The following CTNND2 variants were observed in gnomAD, a reference collection of about 807,000 sequenced individuals.
CTNND2 encodes the protein catenin delta-2.
CTNND2 carries 22 observed loss-of-function variants against 144.4 expected under a neutral mutation model. The ratio of observed to expected loss-of-function variants is 0.15; its 90% confidence interval spans 0.11 to 0.22. The LOEUF (loss-of-function observed/expected upper bound fraction) is 0.22. CTNND2 is among the 10% of genes least tolerant of loss of function. The pLI is 1.00. For synonymous variants in CTNND2, 751 were observed against 695.6 expected (o/e 1.08, Z -1.25); for missense variants, 1,353 against 1,618.8 (o/e 0.84, Z 2.82).
intron 14 of CTNND2, among the ~76,000 whole-genome samples, chr5:11,104,325 T>C (rs995179047): frequency 2.0e-5 from 3 of 152,160 alleles, no homozygotes; most frequent in African/African-American, 7.2e-5. Context: ...AAGTCACACA[T>C]TGCAAAATGT....
intron 1 of CTNND2, among the ~76,000 whole-genome samples, chr5:11,820,532 T>C (rs1277084362): frequency 6.6e-6 from 1 of 152,244 alleles, no homozygotes; most frequent in East Asian, 1.9e-4. Context: ...AAAATGACTA[T>C]AGTCCCAGCT....
intron 7 of CTNND2, among the ~76,000 whole-genome samples, chr5:11,378,692 C>T (rs1025303128): frequency 6.6e-6 from 1 of 152,158 alleles, no homozygotes; most frequent in Non-Finnish European, 1.5e-5. Flanking sequence ...GAGCTGTGGC[C>T]TAAACAAACT....
rs143782081 is a variant in CTNND2 at position 11,563,809 on chromosome 5, A to G, written c.287+1135T>C. Among the ~76,000 whole-genome samples the G allele has an allele frequency of 2.9e-3, 448 of 152,084 alleles. 2 individuals carry two copies. The highest frequency in any genetic ancestry group is 0.01 in the African/African-American group (432 of 41,534). On this transcript the variant is annotated intron_variant, in intron 3 of 21. Coordinates refer to ENST00000304623, the MANE Select transcript of CTNND2 (RefSeq NM_001332.4). The stretch of plus-strand genomic sequence containing the variant: ...ATGTGACTCCAATACGAAATGCTGC[A>G]ATTACAAAGTTATACTCTTACAAAT...
At position 11,017,583 on chromosome 5, in the gene CTNND2, CATATATATATATATCTTTCCATAT is replaced by C. The variant is rs1312907039; in HGVS notation, c.3084+367_3084+390del. The stretch of plus-strand genomic sequence containing the variant: ...ATATACATATATATATATATCTTTC[CATATATATATATATCTTTCCATAT>C]ATATATATATATATTTCCAAAATTA... On this transcript the variant is annotated intron_variant, in intron 18 of 21. Coordinates refer to ENST00000304623, the MANE Select transcript of CTNND2 (RefSeq NM_001332.4). Among the ~76,000 whole-genome samples, 135 of 135,676 alleles carry C rather than the reference CATATATATATATATCTTTCCATAT, an allele frequency of 1.0e-3. 1 individual carries two copies. The highest frequency in any genetic ancestry group is 3.4e-3 in the African/African-American group (129 of 38,172). The allele number at this position is 135,676 out of a possible 152,430, so 89.0% of individuals were successfully genotyped here.
At chr5:11,614,757 G>A (rs1780500721) in intron 2 of CTNND2, among the ~76,000 whole-genome samples, 1 of 152,202 alleles carries the variant, frequency 6.6e-6, no homozygotes, top group South Asian at 2.1e-4. Context: ...TCATCACTGA[G>A]TGGGGTGGCA....
chr5:11,621,718 A>G (rs551542643), intron 2 of CTNND2, among the ~76,000 whole-genome samples: 34 of 152,318 alleles, frequency 2.2e-4, no homozygotes, highest in Admixed American at 2.2e-3. Context: ...TCTGGGTAGG[A>G]AGCAGCTTTA....
chr5:11,113,315 G>A (rs913805956), intron 13 of CTNND2, among the ~76,000 whole-genome samples: 1 of 152,116 alleles, frequency 6.6e-6, no homozygotes, highest in Non-Finnish European at 1.5e-5. Context: ...GCAAACTGCC[G>A]CCCAGGGGTC....
At chr5:11,525,460 T>C (rs1407630991) in intron 3 of CTNND2, among the ~76,000 whole-genome samples, 3 of 152,158 alleles carry the variant, frequency 2.0e-5, no homozygotes, top group African/African-American at 7.2e-5. Context: ...AGGTTAAATT[T>C]AAACATTTTG....
intron 2 of CTNND2, among the ~76,000 whole-genome samples, chr5:11,649,740 C>A (rs1027854690): frequency 2.0e-5 from 3 of 152,144 alleles, no homozygotes; most frequent in Non-Finnish European, 2.9e-5. Context: ...TTTATCCAAT[C>A]ATTTATGCTC....
chr5:11,348,498 T>C (rs145986861), intron 8 of CTNND2, among the ~76,000 whole-genome samples: 1 of 150,824 alleles, frequency 6.6e-6, no homozygotes, highest in Non-Finnish European at 1.5e-5. Flanking sequence ...TTCATAGATG[T>C]GCATTTTTTT....
intron 15 of CTNND2, among the ~76,000 whole-genome samples, chr5:11,087,439 C>T (rs1365902850): frequency 6.6e-6 from 1 of 152,148 alleles, no homozygotes; most frequent in Non-Finnish European, 1.5e-5. Context: ...ACCAGATTCT[C>T]CCAGCTGGAA....
chr5:11,794,360 C>T (rs536941271), intron 1 of CTNND2, among the ~76,000 whole-genome samples: 4 of 152,262 alleles, frequency 2.6e-5, no homozygotes, highest in East Asian at 1.9e-4. Flanking sequence ...GGTGTATCAA[C>T]GTGAAACACA....
In CTNND2 at chr5:11,904,084, C is replaced by G. The variant is rs1317204817; in HGVS notation, c.-231G>C. Reference sequence around the variant, plus strand: ...GGCCCGGCGGCCCCTCCGAGCTCGGCGAGCGCAGCGCCCCCTGCCCGGCTC... The same window carrying G: ...GGCCCGGCGGCCCCTCCGAGCTCGGGGAGCGCAGCGCCCCCTGCCCGGCTC... On this transcript the variant is annotated 5_prime_UTR_variant, in exon 1 of 22. Transcript: ENST00000304623. This position sits in a 1 kb window ranked among gnomAD's most constrained non-coding sequence, Gnocchi z 4.2. 2 of 202,936 alleles carry G rather than the reference C, an allele frequency of 9.9e-6. No homozygotes were observed. The highest frequency in any genetic ancestry group is 1.8e-5 in the Non-Finnish European group (2 of 108,604). The allele number at this position is 202,936 out of a possible 1,614,324, so 12.6% of individuals were successfully genotyped here.
intron 2 of CTNND2, among the ~76,000 whole-genome samples, chr5:11,588,373 T>C (rs1306412587): frequency 6.6e-6 from 1 of 152,110 alleles, no homozygotes; most frequent in African/African-American, 2.4e-5. Flanking sequence ...CTCACAGAAT[T>C]GTATGTGATT....
chr5:11,155,906 T>C (rs1365198080), intron 12 of CTNND2, among the ~76,000 whole-genome samples: 2 of 152,240 alleles, frequency 1.3e-5, no homozygotes, highest in African/African-American at 2.4e-5. Flanking sequence ...CAACATGATA[T>C]AGCTTCCCAT....
intron 9 of CTNND2, among the ~76,000 whole-genome samples, chr5:11,293,195 T>C (rs183044534): frequency 8.5e-5 from 13 of 152,244 alleles, no homozygotes; most frequent in Admixed American, 3.3e-4. Context: ...AACCAAAACA[T>C]CTGTGATTAG....
chr5:11,497,996 G>T (rs1419635973), intron 3 of CTNND2, among the ~76,000 whole-genome samples: 2 of 152,010 alleles, frequency 1.3e-5, no homozygotes, highest in Non-Finnish European at 2.9e-5. Context: ...ACATCAAAGG[G>T]GCCTGAACCC....
chr5:11,469,035 G>A (rs1173123629), intron 3 of CTNND2, among the ~76,000 whole-genome samples: 1 of 152,114 alleles, frequency 6.6e-6, no homozygotes, highest in African/African-American at 2.4e-5. Context: ...TTTCTCATGG[G>A]AGAACGTTTT....
chr5:11,652,285 C>T (rs1467951681), intron 2 of CTNND2, among the ~76,000 whole-genome samples: 1 of 152,162 alleles, frequency 6.6e-6, no homozygotes, highest in Non-Finnish European at 1.5e-5. Flanking sequence ...GTAAGACACA[C>T]CTGCTTCCCT....
Sources: allele counts gnomAD v4.1 joint callset (sites outside exome capture counted in the v4.1 genomes callset), GRCh38; gene constraint gnomAD v4.1.1; non-coding constraint Gnocchi (gnomAD v3.1); transcripts MANE v1.5; gene names NCBI Gene and HGNC (gene_info 2026-07-23, HGNC 2026-07-21).